The following TRAPPC2L variants were observed in gnomAD, a reference collection of about 807,000 sequenced individuals.
TRAPPC2L encodes the protein trafficking protein particle complex subunit 2-like protein.
Under a neutral mutation model 13.2 loss-of-function variants are expected in TRAPPC2L, and 17 were observed. The observed-to-expected ratio is 1.29, with a 90% CI of 0.88 to 1.93. TRAPPC2L has a LOEUF of 1.93. TRAPPC2L is among the 30% of genes most tolerant of loss of function. The pLI is 0.00. For synonymous variants in TRAPPC2L, 150 were observed against 98.1 expected (o/e 1.53, Z -3.12); for missense variants, 359 against 252.1 (o/e 1.42, Z -2.87).
exon 4 of TRAPPC2L, chr16:88,860,037 C>A: frequency 7.2e-7 from 1 of 1,395,630 alleles, no homozygotes; most frequent in Non-Finnish European, 9.8e-7. Flanking sequence ...ATTTTGGTTG[C>A]CAAAATGCAA....
rs1968302972 is a variant in TRAPPC2L, at chr16:88,860,378, A to T, written c.*54A>T. 5 of 633,792 alleles carry T rather than the reference A, an allele frequency of 7.9e-6. No individual in the cohort carries two copies. In the Admixed American group the frequency reaches 1.0e-4, roughly 13 times the overall value. 39.3% of individuals were successfully genotyped at this position (633,792 alleles called of 1,614,324 possible). On this transcript the variant is annotated 3_prime_UTR_variant, in exon 4 of 4. Coordinates refer to ENST00000565504, the Ensembl canonical transcript of TRAPPC2L. ...GAACCTGGTTTGCAGGTGTCTTCCG[A>T]ATAGTCCACAAAGTAAACAGATTTA...
In TRAPPC2L at chr16:88,858,477, C is replaced by T. The variant is rs1968136907; in HGVS notation, c.34-142C>T. The T allele has an allele frequency of 3.6e-6, 3 of 824,266 alleles. No homozygotes were observed. In the East Asian group the frequency reaches 7.7e-5, roughly 21 times the overall value. 51.1% of individuals were successfully genotyped at this position (824,266 alleles called of 1,614,324 possible). A position where few individuals can be genotyped will look rare whatever the true frequency, so the allele number is the denominator to read the frequency against. ...CCCCTGAAGGCAGTGCCCACTGCGG[C>T]ATAGAGAATGAAGCGGTGGGCCTTA... On this transcript the variant is annotated intron_variant, in intron 1 of 3. Transcript: ENST00000565504.
rs1375203596 is a variant in TRAPPC2L at position 88,859,565 on chromosome 16, G to A, written c.207-98G>A. On this transcript the variant is annotated intron_variant, in intron 2 of 3. Coordinates refer to ENST00000565504, the Ensembl canonical transcript of TRAPPC2L. ...CCAGCCCAGCATGGGCATTTCCTGTGATTCAAGGTTGCCACATTTCTCCAA... is the reference window on the plus strand; with the variant it reads ...CCAGCCCAGCATGGGCATTTCCTGTAATTCAAGGTTGCCACATTTCTCCAA... The A allele has an allele frequency of 6.1e-6, 7 of 1,145,224 alleles. No homozygotes were observed. In the South Asian group the frequency reaches 7.3e-5, roughly 12 times the overall value. 70.9% of individuals were successfully genotyped at this position (1,145,224 alleles called of 1,614,324 possible). A position where few individuals can be genotyped will look rare whatever the true frequency, so the allele number is the denominator to read the frequency against.
chr16:88,857,144 T>C (rs556295637), exon 1 of TRAPPC2L: 33 of 1,578,938 alleles, frequency 2.1e-5, no homozygotes, highest in Admixed American at 1.2e-4. Flanking sequence ...GCGCCGAGCC[T>C]CCCAAGATGG....
chr16:88,859,838 T>C, intron 3 of TRAPPC2L, 55 bp from the exon 4 acceptor site: 1 of 1,583,450 alleles, frequency 6.3e-7, no homozygotes, highest in Non-Finnish European at 8.6e-7. Flanking sequence ...AAACTAAAAA[T>C]CTGGCAGTGG....
chr16:88,861,083 G>T (rs1968357610), exon 4 of TRAPPC2L: 1 of 925,224 alleles, frequency 1.1e-6, no homozygotes, highest in South Asian at 1.4e-5. Context: ...AGCTGTGCAT[G>T]TTCTCTCAAC....
At chr16:88,856,437 C>T (rs992824922), upstream of TRAPPC2L, 1 of 700,782 alleles carries the variant, frequency 1.4e-6, no homozygotes, top group Non-Finnish European at 2.6e-6. Context: ...CCCGGTAGCA[C>T]GCCGGCCACC....
intron 2 of TRAPPC2L, chr16:88,859,313 C>T: frequency 1.6e-6 from 1 of 644,234 alleles, no homozygotes. Flanking sequence ...GAGAGGGGAT[C>T]CGCCTTGTTC....
exon 4 of TRAPPC2L, chr16:88,861,884 A>G (rs1401055454): frequency 6.8e-6 from 2 of 295,388 alleles, no homozygotes; most frequent in Non-Finnish European, 6.8e-6. Flanking sequence ...CTTGATACAT[A>G]TTTGCCTTTT....
rs957470635 is a variant in TRAPPC2L, at chr16:88,861,050, C to T, written c.*726C>T. 192 of 1,303,614 alleles carry T rather than the reference C, an allele frequency of 1.5e-4. 2 individuals carry two copies. Among genetic ancestry groups the T allele is most frequent in the East Asian group, 4.3e-4 (17 of 39,894 alleles). The allele number at this position is 1,303,614 out of a possible 1,614,324, so 80.8% of individuals were successfully genotyped here. A position where few individuals can be genotyped will look rare whatever the true frequency, so the allele number is the denominator to read the frequency against. The stretch of plus-strand genomic sequence containing the variant: ...TCTGGTTGCCTCTTCCTGAATGGGA[C>T]GCCTGGGGCTTTCAGGGCAGGCAGC... On this transcript the variant is annotated 3_prime_UTR_variant, in exon 4 of 4. Coordinates refer to ENST00000565504, the Ensembl canonical transcript of TRAPPC2L.
chr16:88,858,959 T>C (rs1968186322), intron 2 of TRAPPC2L, 168 bp downstream of exon 2: 3 of 679,636 alleles, frequency 4.4e-6, no homozygotes, highest in South Asian at 2.1e-5. Context: ...TTCTCTTTCA[T>C]TGGAAGAGCC....
upstream of TRAPPC2L, chr16:88,856,355 T>C: frequency 8.5e-6 from 6 of 701,980 alleles, no homozygotes; most frequent in East Asian, 1.3e-4. Context: ...TTCCTCCCTT[T>C]GGGGAGGCCA....
exon 2 of TRAPPC2L, chr16:88,858,624 C>T (rs1251542569): frequency 3.7e-6 from 6 of 1,612,662 alleles, no homozygotes; most frequent in Non-Finnish European, 5.1e-6. Context: ...TGCAGAATTA[C>T]CCCCTCTACA....
chr16:88,861,289 A>C, exon 4 of TRAPPC2L: 1 of 403,044 alleles, frequency 2.5e-6, no homozygotes, highest in Admixed American at 3.7e-5. Flanking sequence ...AGCCTGCAGG[A>C]CCTGTGACCA....
chr16:88,856,918 C>CCTAG, upstream of TRAPPC2L: 1 of 1,486,834 alleles, frequency 6.7e-7, no homozygotes, highest in East Asian at 2.8e-5. Flanking sequence ...AGCGAGCCGA[C>CCTAG]CTAGCGAGCG....
intron 1 of TRAPPC2L, among the ~76,000 whole-genome samples, chr16:88,858,133 G>C (rs1198947039): frequency 2.0e-5 from 3 of 152,248 alleles, no homozygotes; most frequent in African/African-American, 7.2e-5. Context: ...GAAAGAAGCT[G>C]TTAATTCTGG....
exon 4 of TRAPPC2L, chr16:88,861,739 C>G (rs1011422741): frequency 2.2e-6 from 1 of 456,716 alleles, no homozygotes; most frequent in African/African-American, 2.0e-5. Context: ...CTGAGGGGAC[C>G]CCCCCGGAGT....
chr16:88,856,956 G>A (rs1194879658), upstream of TRAPPC2L: 46 of 1,432,350 alleles, frequency 3.2e-5, no homozygotes, highest in Non-Finnish European at 4.2e-5. Flanking sequence ...CTGGGCTGCG[G>A]GGCGGGGCCT....
At position 88,859,982 on chromosome 16, in the gene TRAPPC2L, A is replaced by G. The variant is rs1386926453; in HGVS notation, c.384A>G (p.Leu128=). The change falls in exon 4 of 4, where the codon CTA becomes CTG. Residue 128 remains leucine (L), a synonymous_variant. Coordinates refer to ENST00000565504, the Ensembl canonical transcript of TRAPPC2L. ...ACCGCATCCAGTCCAGGTGGGCCCT[A>G]CTTTCTGTGTCTTGCCACCTTCTTT... The G allele has an allele frequency of 6.2e-7, 1 of 1,613,644 alleles. No homozygotes were observed. The highest frequency in any genetic ancestry group is 8.5e-7 in the Non-Finnish European group (1 of 1,179,638).
Sources: allele counts gnomAD v4.1 joint callset (sites outside exome capture counted in the v4.1 genomes callset), GRCh38; gene constraint gnomAD v4.1.1; transcripts MANE v1.5; gene names NCBI Gene and HGNC (gene_info 2026-07-23, HGNC 2026-07-21).